The following CADM2 variants were observed in gnomAD, a reference collection of about 807,000 sequenced individuals.
The protein encoded by CADM2 is cell adhesion molecule 2.
Under a neutral mutation model 49.8 loss-of-function variants are expected in CADM2, and 12 were observed. That is an observed-to-expected ratio of 0.24 (90% CI 0.15 to 0.39). The LOEUF (loss-of-function observed/expected upper bound fraction) is 0.39, where lower values mean the gene tolerates loss of function less well. CADM2 is among the 10% of genes least tolerant of loss of function. CADM2 has a pLI of 1.00. For synonymous variants in CADM2, 214 were observed against 175.4 expected, an observed-to-expected ratio of 1.22 and a Z score of -1.74; for missense variants, 378 against 492.3, an observed-to-expected ratio of 0.77 and a Z score of 2.20.
intron 1 of CADM2, among the ~76,000 whole-genome samples, chr3:85,630,661 T>A (rs72913155): frequency 0.064 from 9,723 of 152,080 alleles, 979 homozygotes; most frequent in African/African-American, 0.22. Context: ...AGCTCTACAT[T>A]AGGAGAAAAT....
intron 1 of CADM2, among the ~76,000 whole-genome samples, chr3:85,641,268 A>AT (rs2064701770): frequency 6.6e-6 from 1 of 152,128 alleles, no homozygotes; most frequent in South Asian, 2.1e-4. Context: ...AATAGAAAAT[A>AT]TTTTTCCAAT....
At chr3:85,675,905 A>G (rs1056658898) in intron 1 of CADM2, among the ~76,000 whole-genome samples, 6 of 152,324 alleles carry the variant, frequency 3.9e-5, no homozygotes, top group African/African-American at 1.4e-4. Context: ...CATAATGTGC[A>G]TGGCATTGGA....
intron 3 of CADM2, among the ~76,000 whole-genome samples, chr3:85,867,146 A>T (rs550496173): frequency 1.3e-5 from 2 of 152,206 alleles, no homozygotes; most frequent in African/African-American, 2.4e-5. Flanking sequence ...TCAAGATAGT[A>T]CTTTTATGTA....
intron 1 of CADM2, among the ~76,000 whole-genome samples, chr3:85,162,640 A>G (rs2040361384): frequency 6.6e-6 from 1 of 152,100 alleles, no homozygotes; most frequent in Non-Finnish European, 1.5e-5. Context: ...GATCACTCAG[A>G]ATTTCAATGA....
chr3:85,367,123 T>A (rs2032845785), intron 1 of CADM2, among the ~76,000 whole-genome samples: 1 of 152,044 alleles, frequency 6.6e-6, no homozygotes, highest in Non-Finnish European at 1.5e-5. Context: ...ATATCAAAAT[T>A]GATAATATAT....
intron 8 of CADM2, among the ~76,000 whole-genome samples, chr3:85,973,593 A>G (rs776972883): frequency 2.6e-5 from 4 of 151,782 alleles, no homozygotes; most frequent in African/African-American, 4.8e-5. Flanking sequence ...TTGAGTTATA[A>G]TCAGTGTACT....
At chr3:85,862,927 A>G (rs531484175) in intron 3 of CADM2, among the ~76,000 whole-genome samples, 2 of 152,290 alleles carry the variant, frequency 1.3e-5, no homozygotes, top group Admixed American at 1.3e-4. Flanking sequence ...TAGATGACAG[A>G]GTTATTCACT....
intron 2 of CADM2, among the ~76,000 whole-genome samples, chr3:85,761,609 T>G (rs1577248007): frequency 6.6e-6 from 1 of 151,926 alleles, no homozygotes; most frequent in South Asian, 2.1e-4. Flanking sequence ...TCTCTTGACC[T>G]CGTGATCCAC....
intron 1 of CADM2, among the ~76,000 whole-genome samples, chr3:85,520,858 T>C (rs1441661253): frequency 6.6e-6 from 1 of 152,094 alleles, no homozygotes; most frequent in Non-Finnish European, 1.5e-5. Flanking sequence ...TGGATTGTAT[T>C]GTTTTTCATG....
chr3:85,481,620 G>A (rs1299411031), intron 1 of CADM2, among the ~76,000 whole-genome samples: 2 of 151,614 alleles, frequency 1.3e-5, no homozygotes, highest in Non-Finnish European at 3.0e-5. Flanking sequence ...TTGGGGGTGA[G>A]GAGGTATGGC....
chr3:85,213,817 C>T (rs2041860816), intron 1 of CADM2, among the ~76,000 whole-genome samples: 1 of 151,980 alleles, frequency 6.6e-6, no homozygotes. Context: ...TTCATGTTCA[C>T]TAATTATTTC....
chr3:85,371,469 G>A (rs192337283), intron 1 of CADM2, among the ~76,000 whole-genome samples: 6 of 151,714 alleles, frequency 4.0e-5, no homozygotes, highest in Non-Finnish European at 1.5e-5. Flanking sequence ...AAAGTAATAG[G>A]TTACACCATA....
chr3:85,276,574 T>C (rs2043362081), intron 1 of CADM2, among the ~76,000 whole-genome samples: 1 of 151,340 alleles, frequency 6.6e-6, no homozygotes, highest in East Asian at 1.9e-4. Context: ...GGTTTGTTTA[T>C]AGTTCTCTGC....
At chr3:85,445,630 A>G (rs1458232174) in intron 1 of CADM2, among the ~76,000 whole-genome samples, 3 of 152,082 alleles carry the variant, frequency 2.0e-5, no homozygotes, top group Non-Finnish European at 4.4e-5. Flanking sequence ...AAATGCCTAA[A>G]ATACATTAAC....
At chr3:85,023,374 T>C in intron 1 of CADM2, among the ~76,000 whole-genome samples, 1 of 152,078 alleles carries the variant, frequency 6.6e-6, no homozygotes, top group East Asian at 1.9e-4. Context: ...ATGCTTTTTA[T>C]TTGTGATTTC....
intron 1 of CADM2, among the ~76,000 whole-genome samples, chr3:85,347,790 A>C: frequency 6.7e-6 from 1 of 149,250 alleles, no homozygotes. Flanking sequence ...TACAGGCATG[A>C]GCCATCACAT....
chr3:84,988,265 C>T lies in CADM2; in HGVS notation c.61+28597C>T, dbSNP rs1319400706. Among the ~76,000 whole-genome samples, 15 of 152,328 alleles carry T rather than the reference C, an allele frequency of 9.8e-5. No homozygotes were observed. In the Middle Eastern group the frequency reaches 0.01, roughly 104 times the overall value. Reference sequence around the variant, plus strand: ...AGATCTTAGTATCCTTTTTCTTTGGCACTAGCTTCCAAGGTGCACATTTTT... The same window carrying T: ...AGATCTTAGTATCCTTTTTCTTTGGTACTAGCTTCCAAGGTGCACATTTTT... On this transcript the variant is annotated intron_variant, in intron 1 of 9. Coordinates refer to ENST00000383699, the MANE Select transcript of CADM2 (RefSeq NM_001167675.2).
Position 85,193,025 on chromosome 3 carries a change from G to A in CADM2, c.61+233357G>A, listed in dbSNP as rs374522738. Among the ~76,000 whole-genome samples, 55 of 152,138 alleles carry A rather than the reference G, an allele frequency of 3.6e-4. No individual in the cohort carries two copies. The South Asian group carries it at 0.011, about 30-fold the overall frequency. On this transcript the variant is annotated intron_variant, in intron 1 of 9. Coordinates refer to ENST00000383699, the MANE Select transcript of CADM2 (RefSeq NM_001167675.2). ...AGCTATCCAGAAAGGGAGATGCTTT[G>A]GCTTTTTAAGCCTAAAGTAATGAAT...
At chr3:86,031,354 A>G (rs1441739772) in intron 8 of CADM2, among the ~76,000 whole-genome samples, 2 of 151,844 alleles carry the variant, frequency 1.3e-5, no homozygotes, top group African/African-American at 4.8e-5. Flanking sequence ...ACATTAAGAT[A>G]TGAACCATCT....
Sources: gnomAD v4.1 joint callset for allele counts (sites outside exome capture counted in the v4.1 genomes callset) on GRCh38, gnomAD v4.1.1 for gene constraint, MANE v1.5 for transcripts, NCBI Gene and HGNC (gene_info 2026-07-23, HGNC 2026-07-21) for gene names.